Variants in IRAG1 observed in about 807,000 individuals in gnomAD.
IRAG1 encodes IP3R-associated cGMP kinase substrate.
IRAG1 carries 62 observed loss-of-function variants against 106.2 expected under a neutral mutation model. The ratio of observed to expected loss-of-function variants is 0.58; its 90% CI spans 0.48 to 0.72. IRAG1 has a LOEUF of 0.72. Ranked by LOEUF, IRAG1 falls within the 30% of genes least tolerant of loss-of-function variation. The probability of loss-of-function intolerance (pLI) is 0.00; values close to 1 mark genes in which losing one functional copy is unlikely to be tolerated. For synonymous variants in IRAG1, 462 were observed against 443.9 expected (o/e 1.04, Z -0.51); for missense variants, 1,064 against 1,140.7 (o/e 0.93, Z 0.97).
At chr11:10,598,821 G>A (rs2134281684) in intron 15 of IRAG1, among the ~76,000 whole-genome samples, 1 of 152,292 alleles carries the variant, frequency 6.6e-6, no homozygotes, top group African/African-American at 2.4e-5. Context: ...TTCATATTCA[G>A]AAAGAAACAT....
intron 1 of IRAG1, among the ~76,000 whole-genome samples, chr11:10,684,570 C>T (rs941946320): frequency 3.3e-5 from 5 of 149,656 alleles, no homozygotes; most frequent in African/African-American, 7.4e-5. Context: ...AACTAACCTG[C>T]ATATTGTACA....
At position 10,609,803 on chromosome 11, in the gene IRAG1, C is replaced by T. The variant is rs1221647709; in HGVS notation, c.1496G>A (p.Ser499Asn). The change falls in exon 11 of 21, where the codon AGT becomes AAT. Residue 499 changes from serine (S) to asparagine (N), a missense_variant. By Grantham distance (46) the Ser-to-Asn change is conservative (BLOSUM62 1). Coordinates refer to ENST00000423302, the MANE Select transcript of IRAG1 (RefSeq NM_130385.4). ...SPAIEEEESK[S>N]GLDVMPNISD... Reference sequence around the variant, plus strand: ...AATATTAGGCATGACATCTAAGCCACTCTTTGACTCTTCTTCCTCAATAGC... The same window carrying T: ...AATATTAGGCATGACATCTAAGCCATTCTTTGACTCTTCTTCCTCAATAGC... 1 of 1,613,862 alleles carries T rather than the reference C, an allele frequency of 6.2e-7. No homozygotes were observed. Among genetic ancestry groups the T allele is most frequent in the Non-Finnish European group, 8.5e-7 (1 of 1,179,874 alleles).
At chr11:10,616,301 A>AG (rs1445806914) in intron 10 of IRAG1, among the ~76,000 whole-genome samples, 10 of 151,876 alleles carry the variant, frequency 6.6e-5, no homozygotes, top group Non-Finnish European at 1.2e-4. Flanking sequence ...AAAAAAAAAA[A>AG]AAAAGAAAAA....
chr11:10,674,908 A>C (rs764427455), intron 1 of IRAG1, among the ~76,000 whole-genome samples: 8 of 152,230 alleles, frequency 5.3e-5, no homozygotes, highest in Non-Finnish European at 7.3e-5. Context: ...AATAGCCCCA[A>C]GTCACATCCT....
At chr11:10,578,445 T>C (rs1214791765) in intron 20 of IRAG1, among the ~76,000 whole-genome samples, 1 of 152,268 alleles carries the variant, frequency 6.6e-6, no homozygotes, top group African/African-American at 2.4e-5. Context: ...GCAATATTTG[T>C]AACATAATTG....
At chr11:10,591,674 G>T in intron 17 of IRAG1, 62 bp from the exon 18 acceptor site, 1 of 1,432,826 alleles carries the variant, frequency 7.0e-7, no homozygotes, top group Non-Finnish European at 9.6e-7. Context: ...AGCCAGAGCT[G>T]CTGGATTTCT....
Position 10,693,519 on chromosome 11 carries a change from A to G in IRAG1, c.67+17T>C, listed in dbSNP as rs559557915. ...AGCCGAAGAGGCAGGTTATTCTAGG[A>G]TATAGGGGAGGCTTACCTAAAACTG... On this transcript the variant is annotated intron_variant, in intron 1 of 20. Transcript: ENST00000423302. The G allele has an allele frequency of 6.5e-7, 1 of 1,535,504 alleles. No individual in the cohort carries two copies. Among genetic ancestry groups the G allele is most frequent in the South Asian group, 1.2e-5 (1 of 84,054 alleles).
At chr11:10,678,195 T>G (rs1399661736) in intron 1 of IRAG1, among the ~76,000 whole-genome samples, 1 of 152,232 alleles carries the variant, frequency 6.6e-6, no homozygotes. Flanking sequence ...GACCTAGGAC[T>G]GGAATTAATG....
intron 1 of IRAG1, among the ~76,000 whole-genome samples, chr11:10,667,146 T>C (rs370766321): frequency 0.016 from 2,265 of 141,802 alleles, 64 homozygotes; most frequent in African/African-American, 0.053. Flanking sequence ...TTTTCGTTTT[T>C]TTGTTTTTGT....
At chr11:10,632,162 C>G (rs1856744971) in intron 3 of IRAG1, 101 bp from the exon 4 acceptor site, 16 of 729,950 alleles carry the variant, frequency 2.2e-5, no homozygotes, top group Non-Finnish European at 2.5e-5. Context: ...TTCTTTCTTT[C>G]TTTGTTTCCT....
At chr11:10,668,117 T>C (rs1224181432) in intron 1 of IRAG1, among the ~76,000 whole-genome samples, 1 of 152,212 alleles carries the variant, frequency 6.6e-6, no homozygotes, top group Non-Finnish European at 1.5e-5. Context: ...TCTGTCTCCA[T>C]GAAAGACCCT....
At chr11:10,613,858 C>A (rs1279371448) in intron 10 of IRAG1, among the ~76,000 whole-genome samples, 1 of 152,094 alleles carries the variant, frequency 6.6e-6, no homozygotes, top group Non-Finnish European at 1.5e-5. Context: ...AGTGACAGCC[C>A]CTCTCAAGGC....
intron 10 of IRAG1, among the ~76,000 whole-genome samples, chr11:10,614,040 C>T (rs1176244120): frequency 6.6e-6 from 1 of 152,168 alleles, no homozygotes; most frequent in African/African-American, 2.4e-5. Context: ...CACCCTATAG[C>T]CTAGGTCCTG....
At chr11:10,677,558 C>T (rs1024690458) in intron 1 of IRAG1, among the ~76,000 whole-genome samples, 1 of 147,152 alleles carries the variant, frequency 6.8e-6, no homozygotes, top group Non-Finnish European at 1.5e-5. Context: ...GAGAGGGGTG[C>T]CTAAACTTTG....
chr11:10,608,937 T>C (rs1268402339), intron 11 of IRAG1, among the ~76,000 whole-genome samples: 1 of 152,148 alleles, frequency 6.6e-6, no homozygotes, highest in Non-Finnish European at 1.5e-5. Context: ...CTTTGAAGAG[T>C]CTTATAGTGT....
At chr11:10,693,160 G>T (rs1862193880) in intron 1 of IRAG1, among the ~76,000 whole-genome samples, 1 of 152,120 alleles carries the variant, frequency 6.6e-6, no homozygotes, top group South Asian at 2.1e-4. Context: ...AAGCACAGAG[G>T]GGAGAAAGCT....
intron 10 of IRAG1, among the ~76,000 whole-genome samples, chr11:10,621,668 C>T (rs972247570): frequency 1.8e-4 from 27 of 152,190 alleles, no homozygotes; most frequent in Admixed American, 1.6e-3. Flanking sequence ...GTTTCCTCAA[C>T]TATAAGAGCA....
rs539364734 is a variant in IRAG1 at position 10,642,111 on chromosome 11, C to G, written c.226-8040G>C. Among the ~76,000 whole-genome samples the G allele has an allele frequency of 1.4e-4, 22 of 152,262 alleles. No individual in the cohort carries two copies. In the South Asian group the frequency reaches 2.5e-3, roughly 17 times the overall value. On this transcript the variant is annotated intron_variant, in intron 2 of 20. Coordinates refer to ENST00000423302, the MANE Select transcript of IRAG1 (RefSeq NM_130385.4). Reference sequence around the variant, plus strand: ...AAAAGGACAGCATGGGCAGAGGATGCCCTTGGCTCACTGCCCTTCTCACTC... The same window carrying G: ...AAAAGGACAGCATGGGCAGAGGATGGCCTTGGCTCACTGCCCTTCTCACTC...
intron 1 of IRAG1, among the ~76,000 whole-genome samples, chr11:10,690,862 C>T (rs1862002057): frequency 6.6e-6 from 1 of 152,210 alleles, no homozygotes; most frequent in South Asian, 2.1e-4. Context: ...TTTCCTTTTA[C>T]ATTCACTACC....
Sources: gnomAD v4.1 joint callset for allele counts (sites outside exome capture counted in the v4.1 genomes callset) on GRCh38, gnomAD v4.1.1 for gene constraint, MANE v1.5 for transcripts, NCBI Gene and HGNC (gene_info 2026-07-23, HGNC 2026-07-21) for gene names.